Variants in DLC1 observed in about 807,000 individuals in gnomAD.
The protein encoded by DLC1 is DLC1 Rho GTPase activating protein, also known as rho GTPase-activating protein 7.
In DLC1, 54 loss-of-function variants were observed where a neutral mutation model predicts 140.3. The observed-to-expected ratio is 0.38, with a 90% confidence interval of 0.31 to 0.48. The LOEUF is 0.48. Among genes scored for constraint, DLC1 ranks in the 20% least tolerant of loss-of-function variants. The probability of loss-of-function intolerance (pLI) is 0.96; values close to 1 mark genes in which losing one functional copy is unlikely to be tolerated. For missense variants in DLC1, 2,536 were observed against 1,907.0 expected (o/e 1.33, Z -6.14); for synonymous variants, 986 against 728.1 (o/e 1.35, Z -5.70).
chr8:13,562,494 GA>G (rs1804276796), intron 1 of DLC1, among the ~76,000 whole-genome samples: 1 of 152,130 alleles, frequency 6.6e-6, no homozygotes, highest in South Asian at 2.1e-4. Flanking sequence ...CTAATAAGAA[GA>G]ATTCAATTTA....
Position 13,100,582 on chromosome 8 carries a change from G to A in DLC1, c.1755C>T (p.Leu585=). The A allele has an allele frequency of 6.2e-7, 1 of 1,613,880 alleles. No individual in the cohort carries two copies. The highest frequency in any genetic ancestry group is 8.5e-7 in the Non-Finnish European group (1 of 1,179,932). ...CGGAAGACACCTCCTGGCGCTCGCT[G>A]AGGTCCATCAGCGTGCCTCCGGGGC... ...GPSPGGTLMD[L]SERQEVSSVR... The change falls in exon 9 of 18, where the codon CTC becomes CTT. Residue 585 remains leucine, a synonymous_variant. Coordinates refer to ENST00000276297, the MANE Select transcript of DLC1 (RefSeq NM_182643.3).
intron 2 of DLC1, among the ~76,000 whole-genome samples, chr8:13,448,624 G>T (rs1196007967): frequency 6.6e-6 from 1 of 152,138 alleles, no homozygotes; most frequent in Non-Finnish European, 1.5e-5. Context: ...TTCCCAAAGT[G>T]CTGGGATTAC....
At chr8:13,246,876 A>T (rs1267045198) in intron 5 of DLC1, among the ~76,000 whole-genome samples, 1 of 152,178 alleles carries the variant, frequency 6.6e-6, no homozygotes, top group African/African-American at 2.4e-5. Flanking sequence ...AATGCACCCC[A>T]TCATTTAGAT....
At chr8:13,552,111 G>GTAAATATA (rs1554542383) in intron 1 of DLC1, among the ~76,000 whole-genome samples, 1 of 54,534 alleles carries the variant, frequency 1.8e-5, no homozygotes, top group Non-Finnish European at 3.3e-5. Flanking sequence ...GTCTAGAGGT[G>GTAAATATA]TATATATATA....
intron 2 of DLC1, among the ~76,000 whole-genome samples, chr8:13,452,533 T>C (rs1457457619): frequency 6.6e-6 from 1 of 152,210 alleles, no homozygotes; most frequent in Non-Finnish European, 1.5e-5. Flanking sequence ...TAGGTACAAA[T>C]AACTATCATA....
intron 14 of DLC1, among the ~76,000 whole-genome samples, chr8:13,090,805 C>CT (rs1387764575): frequency 8.7e-4 from 90 of 103,018 alleles, no homozygotes; most frequent in African/African-American, 3.7e-3. Context: ...TTCTTTCTTT[C>CT]TTTCTTTTTT....
At chr8:13,543,837 C>T (rs1373429245) in intron 1 of DLC1, among the ~76,000 whole-genome samples, 2 of 151,878 alleles carry the variant, frequency 1.3e-5, no homozygotes, top group Non-Finnish European at 2.9e-5. Flanking sequence ...TTTGGAGACT[C>T]AGAAGAGGGG....
chr8:13,091,467 A>G (rs1415163650), intron 13 of DLC1, 35 bp from the exon 14 acceptor site: 2 of 1,559,586 alleles, frequency 1.3e-6, no homozygotes, highest in South Asian at 2.4e-5. Flanking sequence ...GAACAGTTCA[A>G]ATATTTATAT....
intron 8 of DLC1, among the ~76,000 whole-genome samples, chr8:13,101,903 T>C (rs1225449170): frequency 6.6e-6 from 1 of 152,166 alleles, no homozygotes; most frequent in East Asian, 1.9e-4. Context: ...CACAATTCGG[T>C]ATGATACATG....
chr8:13,233,557 G>T (rs1422274183), intron 5 of DLC1, among the ~76,000 whole-genome samples: 1 of 152,182 alleles, frequency 6.6e-6, no homozygotes, highest in Non-Finnish European at 1.5e-5. Flanking sequence ...CAATCATGGA[G>T]TATATTCTAC....
chr8:13,100,442 C>T lies in DLC1; in HGVS notation c.1895G>A (p.Gly632Asp), dbSNP rs770244943. 1.2e-6 allele frequency: 2 copies of T among 1,613,946 alleles called. No individual in the cohort carries two copies. The highest frequency in any genetic ancestry group is 2.2e-5 in the East Asian group (1 of 44,868). ...ISVCSSSNLA[G>D]NDDSFGSLPS... ...CAGGCTGCCGAAAGAGTCGTCATTG[C>T]CTGCCAAGTTGCTGGAGGAGCAAAC... Residue 632 changes from glycine to aspartate, a missense_variant, in exon 9 of 18, where the codon GGC becomes GAC. Transcript: ENST00000276297.
At chr8:13,165,303 G>GA (rs1458019425) in intron 5 of DLC1, among the ~76,000 whole-genome samples, 1 of 152,144 alleles carries the variant, frequency 6.6e-6, no homozygotes, top group Non-Finnish European at 1.5e-5. Context: ...AAGAAAGAAG[G>GA]AGATGAAAGA....
chr8:13,097,957 G>C (rs1207941913), intron 10 of DLC1, among the ~76,000 whole-genome samples: 1 of 151,102 alleles, frequency 6.6e-6, no homozygotes, highest in Middle Eastern at 3.2e-3. Context: ...GCCGAGGCAG[G>C]TGGATCTCTT....
Position 13,151,000 on chromosome 8 carries a change from G to A in DLC1, c.1349-35343C>T, listed in dbSNP as rs139459983. On this transcript the variant is annotated intron_variant, in intron 5 of 17. Transcript: ENST00000276297. Reference sequence around the variant, plus strand: ...CAGTGAAGTGTCTTGGATAAGAGATGTCTACAGATGGAACAGGGTAGTTGG... The same window carrying A: ...CAGTGAAGTGTCTTGGATAAGAGATATCTACAGATGGAACAGGGTAGTTGG... Among the ~76,000 whole-genome samples the A allele has an allele frequency of 2.0e-3, 303 of 152,320 alleles. 2 individuals carry two copies. Among genetic ancestry groups the A allele is most frequent in the African/African-American group, 7.0e-3 (293 of 41,568 alleles).
chr8:13,286,358 A>G (rs549447369), intron 5 of DLC1, among the ~76,000 whole-genome samples: 1 of 152,148 alleles, frequency 6.6e-6, no homozygotes, highest in East Asian at 1.9e-4. Context: ...TGACATACCC[A>G]GTGTTGTGTT....
intron 4 of DLC1, among the ~76,000 whole-genome samples, chr8:13,338,226 C>G (rs1212472759): frequency 6.6e-6 from 1 of 152,078 alleles, no homozygotes; most frequent in African/African-American, 2.4e-5. Context: ...CTCAACCAGT[C>G]ACAGGTTTGT....
At chr8:13,594,259 T>A (rs1805615886) in intron 1 of DLC1, among the ~76,000 whole-genome samples, 2 of 152,230 alleles carry the variant, frequency 1.3e-5, no homozygotes, top group Non-Finnish European at 2.9e-5. Context: ...ACAGAAAACC[T>A]CATGACCTTT....
intron 2 of DLC1, among the ~76,000 whole-genome samples, chr8:13,455,723 A>G (rs1799354875): frequency 6.6e-6 from 1 of 152,152 alleles, no homozygotes; most frequent in South Asian, 2.1e-4. Context: ...TCTTATAAAA[A>G]TTCGAGGATA....
At chr8:13,286,070 AG>A (rs1208293625) in intron 5 of DLC1, among the ~76,000 whole-genome samples, 2 of 152,226 alleles carry the variant, frequency 1.3e-5, no homozygotes, top group Non-Finnish European at 2.9e-5. Context: ...TAAATCAAAG[AG>A]CAAAATAGAA....
Sources: allele counts gnomAD v4.1 joint callset (sites outside exome capture counted in the v4.1 genomes callset), GRCh38; gene constraint gnomAD v4.1.1; transcripts MANE v1.5; gene names NCBI Gene and HGNC (gene_info 2026-07-23, HGNC 2026-07-21).